Variants in UBR3 observed in about 807,000 individuals in gnomAD.
UBR3 encodes ubiquitin protein ligase E3 component n-recognin 3, also known as E3 ubiquitin-protein ligase UBR3.
UBR3 carries 85 observed loss-of-function variants against 243.2 expected under a neutral mutation model. The observed-to-expected ratio is 0.35, with a 90% CI of 0.29 to 0.42. The LOEUF (loss-of-function observed/expected upper bound fraction) is 0.42. Among genes scored for constraint, UBR3 ranks in the 10% least tolerant of loss-of-function variants. The pLI, the probability that UBR3 is intolerant of heterozygous loss-of-function variation, is 1.00. For missense variants in UBR3, 1,686 were observed against 2,300.8 expected (o/e 0.73, Z 5.47); for synonymous variants, 748 against 799.8 (o/e 0.94, Z 1.09).
At chr2:169,875,740 T>C in intron 2 of UBR3, 51 bp from the exon 3 acceptor site, 1 of 1,402,002 alleles carries the variant, frequency 7.1e-7, no homozygotes, top group Non-Finnish European at 9.4e-7. Context: ...TTTAGTAAGA[T>C]ATTTTAAACA....
chr2:169,896,474 T>G, intron 7 of UBR3, 33 bp from the exon 8 acceptor site: 1 of 1,305,756 alleles, frequency 7.7e-7, no homozygotes, highest in Non-Finnish European at 1.0e-6. Context: ...TTAAAACTAA[T>G]GTGTTTTTTC....
chr2:169,969,527 T>A (rs1012421954), intron 24 of UBR3, among the ~76,000 whole-genome samples: 4 of 151,352 alleles, frequency 2.6e-5, no homozygotes, highest in Non-Finnish European at 5.9e-5. Context: ...TTCTGTGTTC[T>A]CTATTCTGTT....
chr2:169,858,438 C>T (rs189429116), intron 1 of UBR3, among the ~76,000 whole-genome samples: 5 of 152,140 alleles, frequency 3.3e-5, no homozygotes, highest in Admixed American at 3.3e-4. Context: ...CTGTCTTGGC[C>T]TCCCAAGTAG....
chr2:169,997,993 G>A (rs924354272), intron 26 of UBR3, among the ~76,000 whole-genome samples: 4 of 152,088 alleles, frequency 2.6e-5, no homozygotes, highest in Non-Finnish European at 5.9e-5. Context: ...CCAGGGACCT[G>A]GCCCTGTCTG....
chr2:169,890,182 A>G (rs906204450), intron 5 of UBR3, among the ~76,000 whole-genome samples: 3 of 152,094 alleles, frequency 2.0e-5, no homozygotes, highest in African/African-American at 7.2e-5. Flanking sequence ...CACCATACTA[A>G]GAAAATTAGA....
In UBR3 at chr2:169,994,392, C is replaced by G; in HGVS notation, c.3854C>G (p.Pro1285Arg). The G allele has an allele frequency of 6.2e-7, 1 of 1,614,104 alleles. No homozygotes were observed. Among genetic ancestry groups the G allele is most frequent in the Non-Finnish European group, 8.5e-7 (1 of 1,180,044 alleles). Residue 1285 changes from proline (P) to arginine (R), a missense_variant, in exon 26 of 39, where the codon CCT becomes CGT. Pro to Arg is a moderately radical substitution (Grantham distance 103, BLOSUM62 -2). This residue lies in a region of UBR3 where 156 missense variants were observed against 246.3 expected (regional missense o/e 0.63). Coordinates refer to ENST00000272793, the MANE Select transcript of UBR3 (RefSeq NM_172070.4). ...ATCAGTGAAGAGGAGCAGATTTACC[C>G]TTGGGATACCTGTGCAGCCGTTCAT... ...LPISEEEQIY[P>R]WDTCAAVHDV... is the part of the protein sequence containing the mutation.
At chr2:169,945,903 CTT>C (rs1220122044) in intron 20 of UBR3, among the ~76,000 whole-genome samples, 2 of 152,134 alleles carry the variant, frequency 1.3e-5, no homozygotes, top group East Asian at 3.8e-4. Flanking sequence ...AGGCTCAGAA[CTT>C]TAATTTTAGA....
chr2:169,889,879 T>G (rs762334055), intron 5 of UBR3, among the ~76,000 whole-genome samples: 1 of 152,228 alleles, frequency 6.6e-6, no homozygotes, highest in Non-Finnish European at 1.5e-5. Flanking sequence ...AGAAATTTGA[T>G]GGGTGCTAAT....
intron 1 of UBR3, among the ~76,000 whole-genome samples, chr2:169,866,933 T>G (rs1294026619): frequency 3.9e-5 from 6 of 152,226 alleles, no homozygotes; most frequent in African/African-American, 1.4e-4. Context: ...ACATGCTAAC[T>G]TTTATTTTGT....
At position 170,029,465 on chromosome 2, in the gene UBR3, G is replaced by C. The variant is rs1412726927; in HGVS notation, c.4556+17G>C. On this transcript the variant is annotated intron_variant, in intron 31 of 38. Coordinates refer to ENST00000272793, the MANE Select transcript of UBR3 (RefSeq NM_172070.4). ...GAATCCACAGTAAGTATAATTGAAA[G>C]ACTAAAATCAATTAAAACTCTTTAT... The C allele has an allele frequency of 6.4e-7, 1 of 1,554,374 alleles. No individual in the cohort carries two copies. The highest frequency in any genetic ancestry group is 8.7e-7 in the Non-Finnish European group (1 of 1,143,240).
intron 14 of UBR3, among the ~76,000 whole-genome samples, chr2:169,926,237 A>G (rs1024022673): frequency 2.0e-5 from 3 of 152,218 alleles, no homozygotes; most frequent in Non-Finnish European, 2.9e-5. Context: ...GGGAGGGACT[A>G]TCTGTCTTCA....
chr2:170,014,187 C>T (rs898853), intron 29 of UBR3: 127,864 of 156,006 alleles, frequency 0.82, 52,697 homozygotes, highest in East Asian at 0.89. Context: ...TATTAATATT[C>T]TTTAACAATT....
At chr2:169,831,745 A>G (rs1193580584) in intron 1 of UBR3, among the ~76,000 whole-genome samples, 1 of 152,208 alleles carries the variant, frequency 6.6e-6, no homozygotes, top group Non-Finnish European at 1.5e-5. Context: ...AACAGCTTGT[A>G]ACAGTGTTCT....
Position 169,923,913 on chromosome 2 carries a change from TG to T in UBR3, c.1867-15del, listed in dbSNP as rs1345500719. Reference sequence around the variant, plus strand: ...AAAATAGTCTTTGACTTGTGCATTTTGTTTGTTTATTCCAGCCAGCACCTAA... The same window carrying T: ...AAAATAGTCTTTGACTTGTGCATTTTTTTGTTTATTCCAGCCAGCACCTAA... On this transcript the variant is annotated splice_polypyrimidine_tract_variant and intron_variant, in intron 11 of 38. Transcript: ENST00000272793. 2 of 1,529,726 alleles carry T rather than the reference TG, an allele frequency of 1.3e-6. No individual in the cohort carries two copies. The highest frequency in any genetic ancestry group is 2.5e-5 in the South Asian group (2 of 79,212). 94.8% of individuals were successfully genotyped at this position (1,529,726 alleles called of 1,614,324 possible).
intron 24 of UBR3, among the ~76,000 whole-genome samples, chr2:169,973,616 T>C (rs2088280813): frequency 6.6e-6 from 1 of 152,308 alleles, no homozygotes; most frequent in South Asian, 2.1e-4. Flanking sequence ...GCTTTTAGGA[T>C]TTTCTATATG....
chr2:169,890,514 A>G (rs547013259), intron 5 of UBR3, among the ~76,000 whole-genome samples: 29 of 103,590 alleles, frequency 2.8e-4, no homozygotes, highest in Admixed American at 1.6e-3. Flanking sequence ...TTTTAGTGCG[A>G]GGTTTTTCTA....
intron 5 of UBR3, among the ~76,000 whole-genome samples, chr2:169,890,546 T>G (rs1393085191): frequency 3.7e-4 from 21 of 56,086 alleles, no homozygotes; most frequent in African/African-American, 1.3e-3. Flanking sequence ...GAGAGATATA[T>G]ATATATATAT....
chr2:169,900,097 A>G (rs952135023), intron 8 of UBR3, among the ~76,000 whole-genome samples: 4 of 152,236 alleles, frequency 2.6e-5, no homozygotes, highest in East Asian at 3.9e-4. Flanking sequence ...GGTTGAACTA[A>G]TTTACACTCC....
intron 20 of UBR3, 125 bp downstream of exon 20, chr2:169,942,759 A>G (rs2086640447): frequency 2.1e-6 from 2 of 950,554 alleles, no homozygotes; most frequent in South Asian, 2.6e-5. Context: ...TTTAAGATGT[A>G]TGAAGATATG....
Sources: gnomAD v4.1 joint callset for allele counts (sites outside exome capture counted in the v4.1 genomes callset) on GRCh38, gnomAD v4.1.1 for gene constraint, gnomAD v4.1.1 regional missense constraint, MANE v1.5 for transcripts, NCBI Gene and HGNC (gene_info 2026-07-23, HGNC 2026-07-21) for gene names.